Variants in SPOPL observed in about 807,000 individuals in gnomAD.
SPOPL encodes speckle-type POZ protein-like.
SPOPL carries 23 observed loss-of-function variants against 53.8 expected under a neutral mutation model. That is an observed-to-expected ratio of 0.43 (90% CI 0.31 to 0.61). SPOPL has a LOEUF of 0.61. Ranked by LOEUF, SPOPL falls within the 20% of genes least tolerant of loss-of-function variation. The pLI, the probability that SPOPL is intolerant of heterozygous loss-of-function variation, is 0.12. For missense variants in SPOPL, 442 were observed against 466.9 expected (o/e 0.95, Z 0.49); for synonymous variants, 164 against 149.7 (o/e 1.10, Z -0.70).
intron 5 of SPOPL, among the ~76,000 whole-genome samples, chr2:138,555,988 T>G (rs914529955): frequency 4.6e-5 from 7 of 152,184 alleles, no homozygotes; most frequent in African/African-American, 1.7e-4. Flanking sequence ...ATTCATTACC[T>G]GCATTTGAGT....
At chr2:138,532,909 A>C (rs1409698667) in intron 1 of SPOPL, among the ~76,000 whole-genome samples, 1 of 152,122 alleles carries the variant, frequency 6.6e-6, no homozygotes, top group Non-Finnish European at 1.5e-5. Context: ...AGCAGAATTT[A>C]GTTTACCTGC....
chr2:138,566,620 A>G (rs1004909094), intron 10 of SPOPL, among the ~76,000 whole-genome samples: 5 of 152,172 alleles, frequency 3.3e-5, no homozygotes, highest in African/African-American at 1.2e-4. Flanking sequence ...GCACCAATCT[A>G]ATAATTTGAT....
chr2:138,552,893 A>G (rs1573901912), intron 5 of SPOPL, among the ~76,000 whole-genome samples: 2 of 152,076 alleles, frequency 1.3e-5, no homozygotes, highest in Non-Finnish European at 2.9e-5. Context: ...TCTAGCTATA[A>G]TTTGTGTGTA....
chr2:138,514,307 G>C (rs1183280506), intron 1 of SPOPL, among the ~76,000 whole-genome samples: 1 of 152,164 alleles, frequency 6.6e-6, no homozygotes, highest in Non-Finnish European at 1.5e-5. Flanking sequence ...AGGACAACTC[G>C]AAGCTGGGAG....
In SPOPL at chr2:138,544,511, T is replaced by C. The variant is rs551460139; in HGVS notation, c.-60-5646T>C. Among the ~76,000 whole-genome samples the C allele has an allele frequency of 1.3e-4, 20 of 152,336 alleles. 1 individual carries two copies. The East Asian group carries it at 3.1e-3, about 23-fold the overall frequency. On this transcript the variant is annotated intron_variant, in intron 1 of 10. Transcript: ENST00000280098. ...TGTGTTAGCAATGAGCGAGGCTCCC[T>C]GGGCGTTAAGACCCTCCGAGCCAGG...
At chr2:138,512,093 T>C (rs1337153497) in intron 1 of SPOPL, among the ~76,000 whole-genome samples, 1 of 152,206 alleles carries the variant, frequency 6.6e-6, no homozygotes, top group Non-Finnish European at 1.5e-5. Flanking sequence ...CTGATCTAAG[T>C]AGATGCTTGC....
chr2:138,510,738 TG>T (rs1313026495), intron 1 of SPOPL, among the ~76,000 whole-genome samples: 1 of 152,184 alleles, frequency 6.6e-6, no homozygotes, highest in Non-Finnish European at 1.5e-5. Flanking sequence ...AGTCTCAAGG[TG>T]TTTTTTCAGC....
In SPOPL at chr2:138,564,954, G is replaced by C. The variant is rs779192325; in HGVS notation, c.995G>C (p.Arg332Pro). 1 of 1,613,932 alleles carries C rather than the reference G, an allele frequency of 6.2e-7. No homozygotes were observed. The highest frequency in any genetic ancestry group is 8.5e-7 in the Non-Finnish European group (1 of 1,179,982). Residue 332 changes from arginine to proline, a missense_variant, in exon 10 of 11, where the codon CGA (arginine) becomes CCA (proline). Physicochemically the swap from Arg to Pro is moderately radical, Grantham distance 103 (BLOSUM62 -2). Coordinates refer to ENST00000280098, the MANE Select transcript of SPOPL (RefSeq NM_001001664.3). ...CTTCAATGCAGGTGCAGTGTACTTC[G>C]ACAACTTGGGTGTAAAGATGGGAAA... Reference protein sequence around the residue: ...IDFINRCSVLRQLGCKDGKNW... With the variant: ...IDFINRCSVLPQLGCKDGKNW...
chr2:138,558,955 A>G, intron 5 of SPOPL, 67 bp from the exon 6 acceptor site: 2 of 1,339,520 alleles, frequency 1.5e-6, no homozygotes, highest in Non-Finnish European at 9.9e-7. Flanking sequence ...AAATTGAAGT[A>G]TGGACTTAAA....
chr2:138,561,180 A>G (rs373437265), intron 8 of SPOPL, among the ~76,000 whole-genome samples: 79 of 152,268 alleles, frequency 5.2e-4, no homozygotes, highest in South Asian at 3.5e-3. Flanking sequence ...TTTTGAGTGT[A>G]TATGGACTTC....
chr2:138,544,608 C>T (rs1265570707), intron 1 of SPOPL, among the ~76,000 whole-genome samples: 1 of 152,160 alleles, frequency 6.6e-6, no homozygotes, highest in Non-Finnish European at 1.5e-5. Flanking sequence ...GTGGGAGTGA[C>T]CCGATTTTCC....
rs1685304347 is a variant in SPOPL at position 138,551,025 on chromosome 2, A to T, written c.323A>T (p.Asn108Ile). ...VRAKFKFSLL[N>I]AKREETKAME... ...GCAAAATTCAAATTTTCCCTTCTGA[A>T]TGCTAAAAGGGAAGAAACAAAAGCA... The change falls in exon 4 of 11, where the codon AAT (asparagine) becomes ATT (isoleucine). Residue 108 changes from asparagine to isoleucine, a missense_variant. Coordinates refer to ENST00000280098, the MANE Select transcript of SPOPL (RefSeq NM_001001664.3). 1 of 1,613,154 alleles carries T rather than the reference A, an allele frequency of 6.2e-7. No individual in the cohort carries two copies. Among genetic ancestry groups the T allele is most frequent in the Admixed American group, 1.7e-5 (1 of 59,960 alleles).
intron 5 of SPOPL, among the ~76,000 whole-genome samples, chr2:138,557,509 A>G (rs1221084366): frequency 6.6e-6 from 1 of 152,068 alleles, no homozygotes; most frequent in Non-Finnish European, 1.5e-5. Flanking sequence ...CCATTATTAG[A>G]CTTTGTTAGC....
intron 1 of SPOPL, among the ~76,000 whole-genome samples, chr2:138,505,594 T>TAAAAAAAAA (rs1169614974): frequency 6.7e-5 from 5 of 75,090 alleles, no homozygotes; most frequent in African/African-American, 3.5e-4. Flanking sequence ...GTGTCTCTTC[T>TAAAAAAAAA]AAAAAAAAAA....
chr2:138,541,986 C>T lies in SPOPL; in HGVS notation c.-60-8171C>T, dbSNP rs185083817. Among the ~76,000 whole-genome samples the T allele has an allele frequency of 3.2e-3, 494 of 152,182 alleles. 7 individuals are homozygous for T. The highest frequency in any genetic ancestry group is 0.01 in the Middle Eastern group (3 of 294). ...AACATCCTTATTTCTGCCTTCATTT[C>T]GTTATGTACCCAGTAGTCATTAAGG... On this transcript the variant is annotated intron_variant, in intron 1 of 10. Coordinates refer to ENST00000280098, the MANE Select transcript of SPOPL (RefSeq NM_001001664.3).
At chr2:138,552,464 G>A (rs574138509) in intron 4 of SPOPL, 90 bp from the exon 5 acceptor site, 10 of 1,452,354 alleles carry the variant, frequency 6.9e-6, no homozygotes, top group African/African-American at 1.4e-5. Context: ...GACAAGTCCT[G>A]TTTTCACACA....
Position 138,502,344 on chromosome 2 carries a change from G to A in SPOPL, c.-61+225G>A, listed in dbSNP as rs1351071981. Among the ~76,000 whole-genome samples, 5 of 152,322 alleles carry A rather than the reference G, an allele frequency of 3.3e-5. No homozygotes were observed. The East Asian group carries it at 9.7e-4, about 29-fold the overall frequency. On this transcript the variant is annotated intron_variant, in intron 1 of 10. Coordinates refer to ENST00000280098, the MANE Select transcript of SPOPL (RefSeq NM_001001664.3). The stretch of plus-strand genomic sequence containing the variant: ...CGCGCGGCGGCACCACTTTCCCCGG[G>A]GTTGCCCCCAATCCCTCCTTGATTT...
chr2:138,551,240 G>C (rs115220377), intron 4 of SPOPL, among the ~76,000 whole-genome samples, 186 bp downstream of exon 4: 1 of 151,940 alleles, frequency 6.6e-6, no homozygotes, highest in Non-Finnish European at 1.5e-5. Context: ...CTTAGACTTC[G>C]TAAAACATGT....
chr2:138,529,618 A>C (rs1295731581), intron 1 of SPOPL, among the ~76,000 whole-genome samples: 1 of 151,922 alleles, frequency 6.6e-6, no homozygotes, highest in Non-Finnish European at 1.5e-5. Context: ...TGTCATAATT[A>C]CAGTTGCTAT....
Sources: allele counts gnomAD v4.1 joint callset (sites outside exome capture counted in the v4.1 genomes callset), GRCh38; gene constraint gnomAD v4.1.1; transcripts MANE v1.5; gene names NCBI Gene and HGNC (gene_info 2026-07-23, HGNC 2026-07-21).